PTCH1: variants seen among roughly 807,000 people sequenced by gnomAD.
The protein encoded by PTCH1 is protein patched homolog 1.
Under a neutral mutation model 144.6 loss-of-function variants are expected in PTCH1, and 14 were observed. The ratio of observed to expected loss-of-function variants is 0.10; its 90% CI spans 0.06 to 0.15. The LOEUF is 0.15. Ranked by LOEUF, PTCH1 falls within the 10% of genes least tolerant of loss-of-function variation. The pLI is 1.00. For synonymous variants in PTCH1, 833 were observed against 793.6 expected (o/e 1.05, Z -0.83); for missense variants, 1,623 against 1,948.3 (o/e 0.83, Z 3.14).
Position 95,485,586 on chromosome 9 carries a change from AG to A in PTCH1, c.584+98del, listed in dbSNP as rs1841894741. On this transcript the variant is annotated intron_variant, in intron 3 of 23. Coordinates refer to ENST00000331920, the MANE Select transcript of PTCH1 (RefSeq NM_000264.5). ...GAACTAATACTCCAGGTGCATTTCC[AG>A]GGCAACTTCATTTACTAAAATAACG... 3 of 1,436,272 alleles carry A rather than the reference AG, an allele frequency of 2.1e-6. No homozygotes were observed. The Admixed American group carries it at 5.5e-5, about 26-fold the overall frequency. The allele number at this position is 1,436,272 out of a possible 1,614,324, so 89.0% of individuals were successfully genotyped here. A position where few individuals can be genotyped will look rare whatever the true frequency, so the allele number is the denominator to read the frequency against.
upstream of PTCH1, among the ~76,000 whole-genome samples, chr9:95,509,700 CAAAG>C (rs1844046546): frequency 6.6e-6 from 1 of 152,170 alleles, no homozygotes; most frequent in African/African-American, 2.4e-5. Flanking sequence ...TGAAATTCCT[CAAAG>C]AAAAGCCTTT....
chr9:95,506,690 C>T, intron 1 of PTCH1, 91 bp from the exon 2 acceptor site: 2 of 1,087,552 alleles, frequency 1.8e-6, no homozygotes, highest in African/African-American at 1.6e-5. Flanking sequence ...GGTGAGCCCC[C>T]AACAGCCGTG....
intron 1 of PTCH1, chr9:95,514,620 A>AGG (rs1491434927): frequency 1.7e-4 from 22 of 129,494 alleles, no homozygotes; most frequent in Middle Eastern, 3.7e-3. Flanking sequence ...AGAAAATAAA[A>AGG]GGTGTGTGTG....
At chr9:95,502,978 TAC>T (rs1218909758) in intron 2 of PTCH1, among the ~76,000 whole-genome samples, 1 of 152,064 alleles carries the variant, frequency 6.6e-6, no homozygotes, top group Non-Finnish European at 1.5e-5. Flanking sequence ...ACAATGTGCA[TAC>T]ACACACACGC....
At chr9:95,467,769 AT>A (rs986332160) in intron 14 of PTCH1, among the ~76,000 whole-genome samples, 5 of 149,692 alleles carry the variant, frequency 3.3e-5, no homozygotes, top group African/African-American at 7.4e-5. Context: ...ACGCCTGGCT[AT>A]TTTTTTTTGT....
chr9:95,507,971 C>G, intron 1 of PTCH1, 190 bp downstream of exon 1: 1 of 1,486,306 alleles, frequency 6.7e-7, no homozygotes, highest in Non-Finnish European at 8.9e-7. Context: ...CCTTTCCTCC[C>G]AGGACCAGAG....
chr9:95,515,439 C>T (rs1364783176), intron 1 of PTCH1, among the ~76,000 whole-genome samples: 1 of 152,194 alleles, frequency 6.6e-6, no homozygotes, highest in Non-Finnish European at 1.5e-5. Flanking sequence ...TCTTCCACAG[C>T]CGCCCACCCA....
upstream of PTCH1, among the ~76,000 whole-genome samples, chr9:95,511,173 C>T (rs1444824461): frequency 6.7e-6 from 1 of 150,134 alleles, no homozygotes; most frequent in African/African-American, 2.4e-5. Context: ...GCGCGCCGGC[C>T]ACCGGGGCGG....
intron 2 of PTCH1, among the ~76,000 whole-genome samples, chr9:95,497,767 A>G (rs1223661693): frequency 6.6e-6 from 1 of 152,170 alleles, no homozygotes; most frequent in Non-Finnish European, 1.5e-5. Context: ...TTGGCATCCC[A>G]ATTCAAGTTG....
intron 14 of PTCH1, among the ~76,000 whole-genome samples, chr9:95,468,417 T>G (rs1381166260): frequency 1.3e-5 from 2 of 152,192 alleles, no homozygotes; most frequent in Non-Finnish European, 2.9e-5. Flanking sequence ...TAGGCTGTTC[T>G]CGAACTCCTG....
rs747762028 is a variant in PTCH1, at chr9:95,467,343, G to A, written c.2333C>T (p.Thr778Met). The change falls in exon 15 of 24, where the codon ACG (threonine) becomes ATG (methionine). Residue 778 changes from threonine to methionine, a missense_variant. Thr to Met is a moderately conservative substitution (Grantham distance 81). Coordinates refer to ENST00000331920, the MANE Select transcript of PTCH1 (RefSeq NM_000264.5). ...TCTGGTTTCCCGAGGTACAATGTCCGTAAGGTCCAGCCCGTCTCTCACTCG... is the reference window on the plus strand; with the variant it reads ...TCTGGTTTCCCGAGGTACAATGTCCATAAGGTCCAGCCCGTCTCTCACTCG... ...TTRVRDGLDL[T>M]DIVPRETREY... 43 of 1,614,060 alleles carry A rather than the reference G, an allele frequency of 2.7e-5. No homozygotes were observed. The highest frequency in any genetic ancestry group is 2.4e-4 in the African/African-American group (18 of 74,928).
At chr9:95,478,560 T>C (rs574991362) in intron 8 of PTCH1, among the ~76,000 whole-genome samples, 273 of 152,180 alleles carry the variant, frequency 1.8e-3, no homozygotes, top group Admixed American at 4.2e-3. Flanking sequence ...ATGGCCCTCC[T>C]CCCCCTGTTC....
upstream of PTCH1, among the ~76,000 whole-genome samples, chr9:95,512,905 T>A (rs888698824): frequency 3.3e-5 from 5 of 152,312 alleles, no homozygotes; most frequent in Middle Eastern, 6.8e-3. Flanking sequence ...AGTGTTCCAT[T>A]TCCCCTTTCC....
chr9:95,474,091 C>T (rs191685958), intron 12 of PTCH1: 18 of 504,586 alleles, frequency 3.6e-5, no homozygotes, highest in Middle Eastern at 6.4e-4. Flanking sequence ...CAGACCACCA[C>T]ACCACAGGGT....
intron 15 of PTCH1, among the ~76,000 whole-genome samples, chr9:95,465,188 G>A (rs1447348507): frequency 6.6e-6 from 1 of 152,004 alleles, no homozygotes; most frequent in Non-Finnish European, 1.5e-5. Context: ...GCACTGCCTC[G>A]AGACAATCCC....
At chr9:95,498,603 CG>C (rs1842940202) in intron 2 of PTCH1, among the ~76,000 whole-genome samples, 2 of 151,674 alleles carry the variant, frequency 1.3e-5, no homozygotes, top group African/African-American at 2.4e-5. Flanking sequence ...TTCTGCTGTA[CG>C]GAAGGCATTA....
chr9:95,474,720 G>A (rs1022411587), intron 12 of PTCH1, among the ~76,000 whole-genome samples: 3 of 152,088 alleles, frequency 2.0e-5, no homozygotes, highest in African/African-American at 7.2e-5. Flanking sequence ...ATTCAAATAC[G>A]TGATTGATTG....
intron 15 of PTCH1, among the ~76,000 whole-genome samples, chr9:95,464,389 C>T (rs1404515313): frequency 1.3e-5 from 2 of 152,174 alleles, no homozygotes; most frequent in Non-Finnish European, 2.9e-5. Context: ...TATTTTACAG[C>T]AAACCTTAAT....
chr9:95,489,033 C>T (rs1842190972), intron 2 of PTCH1, among the ~76,000 whole-genome samples: 1 of 152,174 alleles, frequency 6.6e-6, no homozygotes, highest in South Asian at 2.1e-4. Flanking sequence ...AATCAGCTCC[C>T]TCTCGGGTAT....
Sources: allele counts gnomAD v4.1 joint callset (sites outside exome capture counted in the v4.1 genomes callset), GRCh38; gene constraint gnomAD v4.1.1; transcripts MANE v1.5; gene names NCBI Gene and HGNC (gene_info 2026-07-23, HGNC 2026-07-21).